Variants in MKX observed in about 807,000 individuals in gnomAD.
MKX encodes the protein mohawk homeobox.
A neutral mutation model predicts 36.0 loss-of-function variants in MKX; 13 were observed. That is an observed-to-expected ratio of 0.36 (90% confidence interval 0.24 to 0.57). The LOEUF (loss-of-function observed/expected upper bound fraction) is 0.57. Ranked by LOEUF, MKX falls within the 20% of genes least tolerant of loss-of-function variation. The pLI, the probability that MKX is intolerant of heterozygous loss-of-function variation, is 0.79. For missense variants in MKX, 458 were observed against 456.4 expected, an observed-to-expected ratio of 1.00 and a Z score of -0.03; for synonymous variants, 176 against 178.3, an observed-to-expected ratio of 0.99 and a Z score of 0.10.
At chr10:27,699,789 T>C (rs1836620297) in intron 5 of MKX, among the ~76,000 whole-genome samples, 1 of 152,206 alleles carries the variant, frequency 6.6e-6, no homozygotes, top group Non-Finnish European at 1.5e-5. Flanking sequence ...AATTAGAACA[T>C]AACAAGCTTC....
intron 5 of MKX, among the ~76,000 whole-genome samples, chr10:27,688,804 C>T (rs1298712515): frequency 1.3e-5 from 2 of 152,076 alleles, no homozygotes; most frequent in African/African-American, 4.8e-5. Context: ...TCTATATAGC[C>T]CAAGGGTTAT....
chr10:27,698,312 G>C (rs1443203218), intron 5 of MKX, among the ~76,000 whole-genome samples: 1 of 152,160 alleles, frequency 6.6e-6, no homozygotes, highest in Non-Finnish European at 1.5e-5. Context: ...TGAAATAATA[G>C]GATCAGATTT....
chr10:27,678,149 C>T (rs1208954592), intron 5 of MKX, among the ~76,000 whole-genome samples: 4 of 152,138 alleles, frequency 2.6e-5, no homozygotes, highest in Admixed American at 6.6e-5. Flanking sequence ...ATAGTATCTG[C>T]GAAGTCATTT....
intron 2 of MKX, 50 bp downstream of exon 2, chr10:27,743,178 C>A: frequency 7.1e-7 from 1 of 1,403,180 alleles, no homozygotes; most frequent in Non-Finnish European, 9.3e-7. Context: ...CTCACCACCC[C>A]CACCCCTCCG....
chr10:27,741,542 C>G lies in MKX; in HGVS notation c.189-38G>C. ...GAGAGGAGGCGGCCCTGGTGAGCGA[C>G]GCGTTTGCCCGCCCGGACGCTCCAC... On this transcript the variant is annotated intron_variant, in intron 2 of 6. Transcript: ENST00000419761. The surrounding 1 kb of genome is among the most constrained non-coding windows in gnomAD (Gnocchi z 5.1). The G allele has an allele frequency of 6.5e-7, 1 of 1,529,140 alleles. No individual in the cohort carries two copies. Among genetic ancestry groups the G allele is most frequent in the Non-Finnish European group, 8.7e-7 (1 of 1,146,158 alleles). The allele number at this position is 1,529,140 out of a possible 1,614,324, so 94.7% of individuals were successfully genotyped here.
At chr10:27,682,181 A>G (rs964955206) in intron 5 of MKX, among the ~76,000 whole-genome samples, 1 of 152,186 alleles carries the variant, frequency 6.6e-6, no homozygotes, top group African/African-American at 2.4e-5. Flanking sequence ...AAAATGAAAA[A>G]TTTTAATAAC....
chr10:27,728,247 C>A (rs1254787476), intron 5 of MKX, among the ~76,000 whole-genome samples: 1 of 152,236 alleles, frequency 6.6e-6, no homozygotes, highest in Non-Finnish European at 1.5e-5. Flanking sequence ...TACTGGTCAA[C>A]AAAAGCCCAA....
At chr10:27,733,397 A>T (rs1834677096) in intron 5 of MKX, among the ~76,000 whole-genome samples, 1 of 152,162 alleles carries the variant, frequency 6.6e-6, no homozygotes, top group South Asian at 2.1e-4. Flanking sequence ...ATGTAGTAAA[A>T]TGTGTATAGT....
At chr10:27,719,530 A>G (rs920896184) in intron 5 of MKX, among the ~76,000 whole-genome samples, 1 of 152,158 alleles carries the variant, frequency 6.6e-6, no homozygotes, top group Non-Finnish European at 1.5e-5. Context: ...TTCCTAGAAA[A>G]GGCTTTAAGG....
chr10:27,682,867 T>A (rs2132495020), intron 5 of MKX, among the ~76,000 whole-genome samples: 1 of 151,666 alleles, frequency 6.6e-6, no homozygotes, highest in East Asian at 1.9e-4. Flanking sequence ...TAATCCCAGC[T>A]ACTTGGGAGG....
intron 5 of MKX, among the ~76,000 whole-genome samples, chr10:27,679,821 T>C (rs1336074273): frequency 1.3e-5 from 2 of 152,212 alleles, no homozygotes; most frequent in Non-Finnish European, 2.9e-5. Flanking sequence ...GTAATTTTTT[T>C]TTCTTATGCT....
chr10:27,719,074 A>G (rs1834314033), intron 5 of MKX, among the ~76,000 whole-genome samples: 1 of 152,210 alleles, frequency 6.6e-6, no homozygotes, highest in Non-Finnish European at 1.5e-5. Context: ...AAGCTTTATT[A>G]ATTTCTCTCT....
chr10:27,698,618 C>A (rs1836597729), intron 5 of MKX, among the ~76,000 whole-genome samples: 1 of 152,092 alleles, frequency 6.6e-6, no homozygotes, highest in Non-Finnish European at 1.5e-5. Context: ...GGCCAAGCTT[C>A]ACTTTGAAGG....
chr10:27,711,473 TTCTTTCTTTCTC>T (rs1564356937), intron 5 of MKX, among the ~76,000 whole-genome samples: 8 of 7,042 alleles, frequency 1.1e-3, no homozygotes, highest in Middle Eastern at 0.062. Flanking sequence ...CTTTCTTTCT[TTCTTTCTTTCTC>T]TCTCTCTCTC....
At chr10:27,687,221 G>C (rs1836373333) in intron 5 of MKX, among the ~76,000 whole-genome samples, 1 of 151,948 alleles carries the variant, frequency 6.6e-6, no homozygotes, top group African/African-American at 2.4e-5. Context: ...GGTCAGGCTG[G>C]TCTCGAACAC....
At chr10:27,694,064 A>T (rs1836502859) in intron 5 of MKX, among the ~76,000 whole-genome samples, 1 of 152,020 alleles carries the variant, frequency 6.6e-6, no homozygotes, top group South Asian at 2.1e-4. Flanking sequence ...TTTTGCCATG[A>T]TTGTGAGGCC....
intron 5 of MKX, among the ~76,000 whole-genome samples, chr10:27,701,625 A>C (rs1002012927): frequency 1.4e-5 from 2 of 145,148 alleles, no homozygotes; most frequent in African/African-American, 5.0e-5. Context: ...TAATATTAAA[A>C]TAATAATATA....
chr10:27,688,216 C>T (rs1836391962), intron 5 of MKX, among the ~76,000 whole-genome samples: 1 of 151,700 alleles, frequency 6.6e-6, no homozygotes, highest in Non-Finnish European at 1.5e-5. Flanking sequence ...AAAAGTTAAC[C>T]TCCTCTCTCA....
At chr10:27,733,245 T>C (rs1004321603) in intron 5 of MKX, among the ~76,000 whole-genome samples, 1 of 152,194 alleles carries the variant, frequency 6.6e-6, no homozygotes, top group African/African-American at 2.4e-5. Flanking sequence ...TTGTAGATCA[T>C]TTGTCTCATA....
Sources: allele counts gnomAD v4.1 joint callset (sites outside exome capture counted in the v4.1 genomes callset), GRCh38; gene constraint gnomAD v4.1.1; non-coding constraint Gnocchi (gnomAD v3.1); transcripts MANE v1.5; gene names NCBI Gene and HGNC (gene_info 2026-07-23, HGNC 2026-07-21).